Variants in SHC4 observed in about 807,000 individuals in gnomAD.
SHC4 encodes SHC adaptor protein 4.
SHC4 carries 41 observed loss-of-function variants against 69.4 expected under a neutral mutation model. The observed-to-expected ratio is 0.59, with a 90% CI of 0.46 to 0.77. SHC4 has a LOEUF of 0.77. SHC4 is among the 30% of genes least tolerant of loss of function. The probability of loss-of-function intolerance (pLI) is 0.00; values close to 1 mark genes in which losing one functional copy is unlikely to be tolerated. For missense variants in SHC4, 777 were observed against 783.8 expected, an observed-to-expected ratio of 0.99 and a Z score of 0.10; for synonymous variants, 318 against 299.3, an observed-to-expected ratio of 1.06 and a Z score of -0.64.
chr15:48,868,594 C>T (rs1490271102), intron 5 of SHC4, among the ~76,000 whole-genome samples: 1 of 152,106 alleles, frequency 6.6e-6, no homozygotes, highest in Non-Finnish European at 1.5e-5. Flanking sequence ...ATTAAAGATG[C>T]TTTTTGTTAT....
intron 6 of SHC4, among the ~76,000 whole-genome samples, chr15:48,865,766 A>G (rs4775780): frequency 6.6e-6 from 1 of 152,068 alleles, no homozygotes; most frequent in Non-Finnish European, 1.5e-5. Context: ...TCAACAGTTC[A>G]CATGAATGCC....
chr15:48,890,103 G>C (rs1353093500), intron 3 of SHC4, among the ~76,000 whole-genome samples: 1 of 152,176 alleles, frequency 6.6e-6, no homozygotes, highest in East Asian at 1.9e-4. Context: ...TAAAGTAAGT[G>C]CTATTTTCTC....
chr15:48,914,063 G>A (rs1216690467), intron 2 of SHC4, among the ~76,000 whole-genome samples: 1 of 152,198 alleles, frequency 6.6e-6, no homozygotes, highest in African/African-American at 2.4e-5. Flanking sequence ...GTTTCACCAT[G>A]TTGCCCAGGC....
chr15:48,947,556 C>T (rs922133834), intron 1 of SHC4, among the ~76,000 whole-genome samples: 6 of 152,160 alleles, frequency 3.9e-5, no homozygotes, highest in Non-Finnish European at 5.9e-5. Context: ...GTCCTGACTC[C>T]TCTATTTAAA....
intron 1 of SHC4, among the ~76,000 whole-genome samples, chr15:48,927,994 C>G (rs1333628470): frequency 6.6e-6 from 1 of 152,110 alleles, no homozygotes; most frequent in Admixed American, 6.6e-5. Context: ...GGTGGGCACT[C>G]GATAAACACT....
At chr15:48,866,848 T>C (rs544790386) in intron 6 of SHC4, among the ~76,000 whole-genome samples, 8 of 152,344 alleles carry the variant, frequency 5.3e-5, no homozygotes, top group African/African-American at 1.9e-4. Context: ...CAATACGTTC[T>C]AGTTAAGGAG....
At chr15:48,887,706 C>T (rs1900060393) in intron 3 of SHC4, among the ~76,000 whole-genome samples, 1 of 151,954 alleles carries the variant, frequency 6.6e-6, no homozygotes, top group Non-Finnish European at 1.5e-5. Flanking sequence ...ATTAATTAAA[C>T]CAAAAGTTGG....
intron 9 of SHC4, among the ~76,000 whole-genome samples, chr15:48,849,443 T>C (rs1425478619): frequency 6.6e-6 from 1 of 152,198 alleles, no homozygotes; most frequent in African/African-American, 2.4e-5. Context: ...TTGTAGGCAT[T>C]TGTTTAAGGT....
chr15:48,867,074 G>A (rs776742847), intron 6 of SHC4, among the ~76,000 whole-genome samples: 1 of 152,166 alleles, frequency 6.6e-6, no homozygotes, highest in African/African-American at 2.4e-5. Context: ...AGAGAAACAG[G>A]TTCCTGCCCT....
intron 11 of SHC4, among the ~76,000 whole-genome samples, chr15:48,827,323 G>C (rs1372791720): frequency 6.6e-6 from 1 of 152,170 alleles, no homozygotes; most frequent in Non-Finnish European, 1.5e-5. Flanking sequence ...TCCTGATTTT[G>C]ATCTCTGTAC....
Position 48,963,135 on chromosome 15 carries a change from A to C in SHC4, c.-120T>G. The C allele has an allele frequency of 9.2e-7, 1 of 1,082,438 alleles. No homozygotes were observed. The allele number at this position is 1,082,438 out of a possible 1,614,324, so 67.1% of individuals were successfully genotyped here. ...GCAACTCACAGCAGCCACCTCTCCA[A>C]CTCTGCTCTCGAGCTCGCCCACCTC... On this transcript the variant is annotated 5_prime_UTR_variant, in exon 1 of 12. Coordinates refer to ENST00000332408, the MANE Select transcript of SHC4 (RefSeq NM_203349.4).
intron 6 of SHC4, among the ~76,000 whole-genome samples, chr15:48,863,948 T>C (rs896521680): frequency 2.0e-5 from 3 of 152,222 alleles, no homozygotes; most frequent in Non-Finnish European, 2.9e-5. Flanking sequence ...TATGTTTACA[T>C]ACTCCCTAGG....
At chr15:48,849,590 T>C (rs985135655) in intron 9 of SHC4, among the ~76,000 whole-genome samples, 19 of 152,156 alleles carry the variant, frequency 1.2e-4, no homozygotes, top group Non-Finnish European at 2.1e-4. Context: ...GAAGAATACA[T>C]GAATGAGATA....
At position 48,962,717 on chromosome 15, in the gene SHC4, G is replaced by C. The variant is rs1323387285; in HGVS notation, c.299C>G (p.Thr100Ser). The change falls in exon 1 of 12, where the codon ACT becomes AGT. Residue 100 changes from threonine to serine, a missense_variant. Transcript: ENST00000332408. ...GCAAAAGTTTTTCAGACTCAGCAAA[G>C]TGGCCGGGTTGGCCAGCTTCATGCT... ...MASMKLANPATLLSLKNFCLG... is the reference protein window; with the variant it reads ...MASMKLANPASLLSLKNFCLG... The C allele has an allele frequency of 2.5e-6, 4 of 1,613,912 alleles. No individual in the cohort carries two copies. The highest frequency in any genetic ancestry group is 3.4e-6 in the Non-Finnish European group (4 of 1,180,044).
rs370518786 is a variant in SHC4, at chr15:48,878,383, A to G, written c.840+5865T>C. On this transcript the variant is annotated intron_variant, in intron 4 of 11. Transcript: ENST00000332408. Reference sequence around the variant, plus strand: ...AGGAGGCCCAGCCAATGGCGGCGCCAGAGGGGAAACGGAGCCTTGCTAACG... The same window carrying G: ...AGGAGGCCCAGCCAATGGCGGCGCCGGAGGGGAAACGGAGCCTTGCTAACG... The G allele has an allele frequency of 3.1e-6, 5 of 1,612,466 alleles. No homozygotes were observed. The East Asian group carries it at 8.9e-5, about 29-fold the overall frequency.
chr15:48,889,513 C>A (rs1900094631), intron 3 of SHC4, among the ~76,000 whole-genome samples: 1 of 152,168 alleles, frequency 6.6e-6, no homozygotes. Flanking sequence ...AGTTTAGTAG[C>A]TGGCAAAATG....
At chr15:48,878,290 G>A in intron 4 of SHC4, 1 of 1,613,754 alleles carries the variant, frequency 6.2e-7, no homozygotes, top group Non-Finnish European at 8.5e-7. Flanking sequence ...GCGGGAGCCG[G>A]GAGCTATCCC....
chr15:48,923,058 C>CA (rs1320063962), intron 2 of SHC4, among the ~76,000 whole-genome samples: 7 of 151,958 alleles, frequency 4.6e-5, no homozygotes, highest in Admixed American at 2.0e-4. Context: ...ACCAAGAGTA[C>CA]AAAAAACAGG....
chr15:48,890,307 A>C (rs1900112377), intron 3 of SHC4, among the ~76,000 whole-genome samples: 1 of 152,252 alleles, frequency 6.6e-6, no homozygotes, highest in Non-Finnish European at 1.5e-5. Context: ...TATTTATACT[A>C]GAAAATAGGC....
Sources: allele counts gnomAD v4.1 joint callset (sites outside exome capture counted in the v4.1 genomes callset), GRCh38; gene constraint gnomAD v4.1.1; transcripts MANE v1.5; gene names NCBI Gene and HGNC (gene_info 2026-07-23, HGNC 2026-07-21).